The following HYKK variants were observed in gnomAD, a reference collection of about 807,000 sequenced individuals.
HYKK encodes the protein 5-hydroxy-L-lysine kinase.
A neutral mutation model predicts 29.7 loss-of-function variants in HYKK; 19 were observed. The ratio of observed to expected loss-of-function variants is 0.64; its 90% confidence interval spans 0.45 to 0.94. The LOEUF (loss-of-function observed/expected upper bound fraction) is 0.94. Among genes scored for constraint, HYKK ranks in the 40% least tolerant of loss-of-function variants. The probability of loss-of-function intolerance (pLI) is 0.00; values close to 1 mark genes in which losing one functional copy is unlikely to be tolerated. For synonymous variants in HYKK, 152 were observed against 158.1 expected (o/e 0.96, Z 0.29); for missense variants, 390 against 443.4 (o/e 0.88, Z 1.08).
At chr15:78,519,282 G>C (rs531721431) in intron 3 of HYKK, among the ~76,000 whole-genome samples, 1 of 152,212 alleles carries the variant, frequency 6.6e-6, no homozygotes, top group South Asian at 2.1e-4. Context: ...CTTCTGCAAG[G>C]GTTTGGGTGG....
chr15:78,530,870 G>GTT (rs755382182), intron 4 of HYKK, among the ~76,000 whole-genome samples: 7 of 151,696 alleles, frequency 4.6e-5, no homozygotes, highest in Non-Finnish European at 7.4e-5. Context: ...TTTTTTGTTT[G>GTT]TTTGTTTTTG....
At chr15:78,527,179 G>A (rs1023596295) in intron 3 of HYKK, among the ~76,000 whole-genome samples, 21 of 151,770 alleles carry the variant, frequency 1.4e-4, no homozygotes, top group East Asian at 1.9e-4. Flanking sequence ...CCAGCTACTC[G>A]GGAGGCTGAG....
chr15:78,509,839 C>T (rs961674885), intron 1 of HYKK, among the ~76,000 whole-genome samples: 2 of 152,172 alleles, frequency 1.3e-5, no homozygotes, highest in Admixed American at 6.5e-5. Flanking sequence ...AAAATCTGAA[C>T]GGCTTAACTT....
At chr15:78,522,468 A>C (rs992959273) in intron 3 of HYKK, among the ~76,000 whole-genome samples, 1 of 148,636 alleles carries the variant, frequency 6.7e-6, no homozygotes, top group South Asian at 2.2e-4. Flanking sequence ...CTGAGGCAGG[A>C]GAATCGTTTG....
Position 78,533,220 on chromosome 15 carries a change from C to G in HYKK, c.672C>G (p.His224Gln). 1.3e-6 allele frequency: 2 copies of G among 1,590,546 alleles called. No individual in the cohort carries two copies. Among genetic ancestry groups the G allele is most frequent in the Non-Finnish European group, 1.7e-6 (2 of 1,160,790 alleles). Residue 224 changes from histidine (H) to glutamine (Q), a missense_variant, in exon 5 of 5, where the codon CAC (histidine) becomes CAG (glutamine). Physicochemically the swap from His to Gln is conservative, Grantham distance 24. Transcript: ENST00000388988. ...KLSHFRECIN[H>Q]GDLNDHNILI... is the part of the protein sequence containing the mutation. The stretch of plus-strand genomic sequence containing the variant: ...TTTTTCTACTTTCAGGTATCAATCA[C>G]GGAGATCTTAATGACCATAATATTT...
intron 4 of HYKK, among the ~76,000 whole-genome samples, chr15:78,530,665 T>A (rs372030651): frequency 0.31 from 47,702 of 151,684 alleles, 8,480 homozygotes; most frequent in Non-Finnish European, 0.42. Flanking sequence ...GCTAAAAAAT[T>A]TTTTTTTATA....
chr15:78,517,109 C>CTTTTTTTT (rs34680285), intron 3 of HYKK, among the ~76,000 whole-genome samples: 9 of 108,438 alleles, frequency 8.3e-5, no homozygotes, highest in African/African-American at 2.0e-4. Context: ...TTCTTTCTTT[C>CTTTTTTTT]TTTTTTTTTT....
chr15:78,516,646 C>T lies in HYKK; in HGVS notation c.477+1539C>T, dbSNP rs77236449. On this transcript the variant is annotated intron_variant, in intron 3 of 4. Coordinates refer to ENST00000388988, the MANE Select transcript of HYKK (RefSeq NM_001013619.4). ...ATGACAGGCATGAGCTACCCCATGCCTAGCCAGGGGATTGGTCTTTGTATT... is the reference window on the plus strand; with the variant it reads ...ATGACAGGCATGAGCTACCCCATGCTTAGCCAGGGGATTGGTCTTTGTATT... 8.5e-3 allele frequency among the ~76,000 whole-genome samples: 1,296 copies of T among 152,196 alleles called. 119 individuals carry two copies. The East Asian group carries it at 0.22, about 26-fold the overall frequency.
At chr15:78,529,852 T>C (rs2052293158) in intron 4 of HYKK, among the ~76,000 whole-genome samples, 1 of 152,040 alleles carries the variant, frequency 6.6e-6, no homozygotes, top group South Asian at 2.1e-4. Context: ...TCTAAATTTT[T>C]TTTTTGAGGC....
chr15:78,513,036 A>T (rs1469499744), intron 1 of HYKK, 48 bp from the exon 2 acceptor site: 2 of 949,438 alleles, frequency 2.1e-6, no homozygotes, highest in Admixed American at 4.4e-5. Flanking sequence ...TTAAATAAAT[A>T]TATTCATCCT....
chr15:78,508,187 C>T (rs2052033808), intron 1 of HYKK, among the ~76,000 whole-genome samples: 1 of 152,188 alleles, frequency 6.6e-6, no homozygotes, highest in African/African-American at 2.4e-5. Flanking sequence ...GCTAGATTCC[C>T]CACCTTTCTG....
At chr15:78,521,747 G>T (rs539294949) in intron 3 of HYKK, among the ~76,000 whole-genome samples, 2 of 152,030 alleles carry the variant, frequency 1.3e-5, no homozygotes, top group Non-Finnish European at 2.9e-5. Flanking sequence ...GCTTGATTTT[G>T]CTATCTAAGG....
chr15:78,525,711 C>G (rs1470664521), intron 3 of HYKK, among the ~76,000 whole-genome samples: 1 of 151,486 alleles, frequency 6.6e-6, no homozygotes, highest in Admixed American at 6.6e-5. Flanking sequence ...GTTGGCCAGG[C>G]TGGTCTCGAA....
At chr15:78,521,148 G>C (rs970457301) in intron 3 of HYKK, among the ~76,000 whole-genome samples, 1 of 152,206 alleles carries the variant, frequency 6.6e-6, no homozygotes, top group African/African-American at 2.4e-5. Context: ...GAAGCTTCCA[G>C]CAGTTGGTCA....
intron 3 of HYKK, among the ~76,000 whole-genome samples, chr15:78,524,100 T>C (rs1039989997): frequency 3.9e-5 from 6 of 152,258 alleles, no homozygotes; most frequent in Non-Finnish European, 8.8e-5. Flanking sequence ...GTGGGGACTC[T>C]GTGTGGGGGC....
chr15:78,514,908 C>CTCTCTCTCTCTCTATA lies in HYKK; in HGVS notation c.338-59_338-58insCTCTCTCTCTCTATAT, dbSNP rs766004199. 7.8e-4 allele frequency: 300 copies of CTCTCTCTCTCTCTATA among 385,354 alleles called. 4 individuals are homozygous for CTCTCTCTCTCTCTATA. The highest frequency in any genetic ancestry group is 7.3e-3 in the East Asian group (90 of 12,400). 23.9% of individuals were successfully genotyped at this position (385,354 alleles called of 1,614,324 possible). A position where few individuals can be genotyped will look rare whatever the true frequency, so the allele number is the denominator to read the frequency against. On this transcript the variant is annotated intron_variant, in intron 2 of 4. Coordinates refer to ENST00000388988, the MANE Select transcript of HYKK (RefSeq NM_001013619.4). ...TAAATACCTCTCTCTCTCTCTCTCT[C>CTCTCTCTCTCTCTATA]TATATATATATATATATATAAATAA... is the stretch of plus-strand genomic sequence containing the variant.
In HYKK at chr15:78,513,157, T is replaced by G; in HGVS notation, c.69T>G (p.Ser23=). 2.5e-6 allele frequency: 4 copies of G among 1,614,146 alleles called. No homozygotes were observed. In the South Asian group the frequency reaches 4.4e-5, roughly 18 times the overall value. Residue 23 remains serine (S), a synonymous_variant, in exon 2 of 5, where the codon TCT becomes TCG. Transcript: ENST00000388988. ...SKPTFSEEQA[S]ALVESVFGLK... ...CCACTTTCAGTGAGGAACAAGCCTCTGCGTTAGTGGAGTCAGTGTTTGGGT... is the reference window on the plus strand; with the variant it reads ...CCACTTTCAGTGAGGAACAAGCCTCGGCGTTAGTGGAGTCAGTGTTTGGGT...
In HYKK at chr15:78,513,331, G is replaced by A; in HGVS notation, c.243G>A (p.Gln81=). ...AAAATCCAGACCTGATTGAAGTGCA[G>A]AATCACATCATCATGTTTCTGAAAG... ...ASKNPDLIEV[Q]NHIIMFLKAA... is the part of the protein sequence containing the mutation. Residue 81 remains glutamine (Q), a synonymous_variant, in exon 2 of 5, where the codon CAG becomes CAA. Coordinates refer to ENST00000388988, the MANE Select transcript of HYKK (RefSeq NM_001013619.4). 3 of 1,614,174 alleles carry A rather than the reference G, an allele frequency of 1.9e-6. No homozygotes were observed. The highest frequency in any genetic ancestry group is 2.5e-6 in the Non-Finnish European group (3 of 1,180,008).
chr15:78,514,359 C>G (rs2052105286), intron 2 of HYKK, among the ~76,000 whole-genome samples: 1 of 152,156 alleles, frequency 6.6e-6, no homozygotes, highest in African/African-American at 2.4e-5. Context: ...CCTAATTCAG[C>G]TCTTTAAGCA....
Sources: gnomAD v4.1 joint callset for allele counts (sites outside exome capture counted in the v4.1 genomes callset) on GRCh38, gnomAD v4.1.1 for gene constraint, MANE v1.5 for transcripts, NCBI Gene and HGNC (gene_info 2026-07-23, HGNC 2026-07-21) for gene names.